ABI3BP: variants seen among roughly 807,000 people sequenced by gnomAD.
The protein encoded by ABI3BP is target of Nesh-SH3.
In ABI3BP, 216 loss-of-function variants were observed where a neutral mutation model predicts 268.6. The ratio of observed to expected loss-of-function variants is 0.80; its 90% CI spans 0.72 to 0.90. The LOEUF (loss-of-function observed/expected upper bound fraction) is 0.90. ABI3BP is among the 40% of genes least tolerant of loss of function. The pLI, the probability that ABI3BP is intolerant of heterozygous loss-of-function variation, is 0.00. For synonymous variants in ABI3BP, 730 were observed against 730.0 expected, an observed-to-expected ratio of 1.00 and a Z score of 0.00; for missense variants, 2,090 against 2,182.4, an observed-to-expected ratio of 0.96 and a Z score of 0.84.
chr3:100,812,798 C>T (rs537541243), intron 45 of ABI3BP, among the ~76,000 whole-genome samples: 44 of 152,146 alleles, frequency 2.9e-4, no homozygotes, highest in Admixed American at 2.2e-3. Flanking sequence ...TACAGTCCTA[C>T]GGAAGAAAAA....
At chr3:100,796,280 T>G in intron 52 of ABI3BP, 129 bp downstream of exon 52, 1 of 673,452 alleles carries the variant, frequency 1.5e-6, no homozygotes. Context: ...ACAAGAAATA[T>G]GCATTTTATA....
chr3:100,796,359 T>G, intron 52 of ABI3BP, 50 bp downstream of exon 52: 2 of 1,427,028 alleles, frequency 1.4e-6, no homozygotes, highest in South Asian at 1.5e-5. Flanking sequence ...AAGAATTTTT[T>G]TTTTTGAAAA....
At chr3:100,909,640 T>C (rs149450708) in intron 2 of ABI3BP, among the ~76,000 whole-genome samples, 2 of 152,308 alleles carry the variant, frequency 1.3e-5, no homozygotes, top group African/African-American at 4.8e-5. Context: ...AAAGAAGACA[T>C]TTATGCAGCC....
In ABI3BP at chr3:100,939,392, A is replaced by G. The variant is rs926435642; in HGVS notation, c.80-12911T>C. 2.0e-5 allele frequency among the ~76,000 whole-genome samples: 3 copies of G among 151,920 alleles called. No individual in the cohort carries two copies. In the East Asian group the frequency reaches 5.8e-4, roughly 29 times the overall value. On this transcript the variant is annotated intron_variant, in intron 1 of 67. Coordinates refer to ENST00000471714, the MANE Select transcript of ABI3BP (RefSeq NM_001375547.2). ...TATCGAGGAACCTGCCCCAATAGTC[A>G]TGTAGGTTCTTTCCTATTTTCCTTA...
intron 34 of ABI3BP, among the ~76,000 whole-genome samples, chr3:100,827,790 G>T (rs1203573214): frequency 9.2e-5 from 14 of 152,000 alleles, no homozygotes; most frequent in African/African-American, 2.4e-4. Flanking sequence ...TCTGTAGAGT[G>T]CCCCGCCTGG....
intron 42 of ABI3BP, 82 bp from the exon 43 acceptor site, chr3:100,816,850 C>T: frequency 1.1e-6 from 1 of 944,728 alleles, no homozygotes; most frequent in Non-Finnish European, 1.6e-6. Context: ...TGTCATATTT[C>T]CTTGAGATTT....
chr3:100,792,308 G>A (rs1474639444), intron 55 of ABI3BP, among the ~76,000 whole-genome samples: 1 of 150,348 alleles, frequency 6.7e-6, no homozygotes, highest in Non-Finnish European at 1.5e-5. Context: ...GAGAAAAGGA[G>A]AGAAGAGAAG....
intron 1 of ABI3BP, among the ~76,000 whole-genome samples, chr3:100,931,616 CA>C (rs796790548): frequency 8.6e-5 from 13 of 150,410 alleles, no homozygotes; most frequent in Non-Finnish European, 5.9e-5. Flanking sequence ...GCCACACACA[CA>C]AAAAAAAACT....
At position 100,815,960 on chromosome 3, in the gene ABI3BP, C is replaced by G; in HGVS notation, c.3241G>C (p.Gly1081Arg). 6.6e-7 allele frequency: 1 copy of G among 1,521,346 alleles called. No individual in the cohort carries two copies. The highest frequency in any genetic ancestry group is 8.8e-7 in the Non-Finnish European group (1 of 1,142,472). 94.2% of individuals were successfully genotyped at this position (1,521,346 alleles called of 1,614,324 possible). Residue 1081 changes from glycine (G) to arginine (R), a missense_variant, in exon 44 of 68, where the codon GGC (glycine) becomes CGC (arginine). Physicochemically the swap from Gly to Arg is moderately radical, Grantham distance 125. Transcript: ENST00000471714. ...GTACTATGAACAACAGGTTCAAAGC[C>G]TGTAACAGAAACTAACCAAAAGCAA... ...VPQNKSVSVT[G>R]FEPVVHSTDA...
chr3:100,837,635 T>C (rs1361350766), intron 26 of ABI3BP, among the ~76,000 whole-genome samples: 2 of 152,106 alleles, frequency 1.3e-5, no homozygotes, highest in African/African-American at 4.8e-5. Flanking sequence ...TGGGTGCCTG[T>C]AGTCCCAGCT....
intron 4 of ABI3BP, among the ~76,000 whole-genome samples, chr3:100,891,074 A>C (rs559024891): frequency 6.6e-6 from 1 of 151,884 alleles, no homozygotes; most frequent in South Asian, 2.1e-4. Flanking sequence ...TTGACACAGT[A>C]ATCTAGAGAT....
At chr3:100,930,679 G>A (rs1348420675) in intron 1 of ABI3BP, 1 of 151,892 alleles carries the variant, frequency 6.6e-6, no homozygotes, top group Non-Finnish European at 1.5e-5. Context: ...AGATTAATGA[G>A]TTATAAAATT....
chr3:100,802,512 G>C (rs2097561331), intron 51 of ABI3BP, among the ~76,000 whole-genome samples: 1 of 152,176 alleles, frequency 6.6e-6, no homozygotes, highest in Admixed American at 6.5e-5. Flanking sequence ...GACATGGAGT[G>C]TGGGCCCGAT....
chr3:100,800,159 A>C (rs989276128), intron 51 of ABI3BP, among the ~76,000 whole-genome samples: 1 of 151,586 alleles, frequency 6.6e-6, no homozygotes, highest in Non-Finnish European at 1.5e-5. Context: ...TCAATTTCTC[A>C]GACTTATCTT....
chr3:100,823,379 T>C, intron 37 of ABI3BP, 79 bp downstream of exon 37: 2 of 1,263,406 alleles, frequency 1.6e-6, no homozygotes, highest in Non-Finnish European at 2.2e-6. Context: ...AATGACACTG[T>C]TGTCTCAAGA....
chr3:100,764,165 C>G (rs553743856), intron 63 of ABI3BP, among the ~76,000 whole-genome samples: 10 of 152,354 alleles, frequency 6.6e-5, no homozygotes, highest in African/African-American at 2.2e-4. Flanking sequence ...CCTATAATCA[C>G]CTGACTAGCT....
intron 59 of ABI3BP, among the ~76,000 whole-genome samples, chr3:100,776,350 G>A (rs1352880566): frequency 2.6e-5 from 4 of 152,186 alleles, no homozygotes; most frequent in South Asian, 4.1e-4. Flanking sequence ...GCCACAATAA[G>A]AGGTCAAGCA....
At chr3:100,912,100 G>A (rs368701940) in intron 2 of ABI3BP, 19 of 626,096 alleles carry the variant, frequency 3.0e-5, no homozygotes, top group East Asian at 2.0e-4. Flanking sequence ...AACACCTTCC[G>A]TGTCCCAGAC....
Position 100,816,786 on chromosome 3 carries a change from G to C in ABI3BP, c.3149-18C>G. On this transcript the variant is annotated intron_variant, in intron 42 of 67. Transcript: ENST00000471714. The stretch of plus-strand genomic sequence containing the variant: ...TTTAGGAGCTGAAGGAAGAAACTTT[G>C]GATTACTCTAGTGCAGGTGGCTTTG... 1 of 1,534,198 alleles carries C rather than the reference G, an allele frequency of 6.5e-7. No homozygotes were observed. The highest frequency in any genetic ancestry group is 8.7e-7 in the Non-Finnish European group (1 of 1,145,248).
Sources: allele counts gnomAD v4.1 joint callset (sites outside exome capture counted in the v4.1 genomes callset), GRCh38; gene constraint gnomAD v4.1.1; transcripts MANE v1.5; gene names NCBI Gene and HGNC (gene_info 2026-07-23, HGNC 2026-07-21).